EXOC6B: variants seen among roughly 807,000 people sequenced by gnomAD.
The protein encoded by EXOC6B is exocyst complex component 6B, also known as SEC15 homolog B.
Under a neutral mutation model 113.5 loss-of-function variants are expected in EXOC6B, and 54 were observed. The observed-to-expected ratio is 0.48, with a 90% CI of 0.38 to 0.60. EXOC6B has a LOEUF of 0.60. EXOC6B is among the 20% of genes least tolerant of loss of function. The probability of loss-of-function intolerance (pLI) is 0.00; values close to 1 mark genes in which losing one functional copy is unlikely to be tolerated. For synonymous variants in EXOC6B, 357 were observed against 339.0 expected, an observed-to-expected ratio of 1.05 and a Z score of -0.58; for missense variants, 797 against 977.5, an observed-to-expected ratio of 0.82 and a Z score of 2.46.
chr2:72,440,906 A>T (rs1696158877), intron 18 of EXOC6B, among the ~76,000 whole-genome samples: 1 of 152,172 alleles, frequency 6.6e-6, no homozygotes, highest in Non-Finnish European at 1.5e-5. Flanking sequence ...ACAGACTTTA[A>T]AACAACAAAG....
chr2:72,764,854 CT>C (rs1682968680), intron 1 of EXOC6B, among the ~76,000 whole-genome samples: 1 of 152,204 alleles, frequency 6.6e-6, no homozygotes, highest in African/African-American at 2.4e-5. Context: ...ATATTCTTCA[CT>C]TTTAAGCCAG....
At chr2:72,397,624 A>AT (rs1558625549) in intron 18 of EXOC6B, among the ~76,000 whole-genome samples, 7 of 133,454 alleles carry the variant, frequency 5.2e-5, no homozygotes, top group African/African-American at 2.3e-4. Context: ...TCTCAAAAAA[A>AT]AAAAATAAAA....
intron 20 of EXOC6B, among the ~76,000 whole-genome samples, chr2:72,297,615 T>A (rs914288737): frequency 6.6e-6 from 1 of 152,232 alleles, no homozygotes; most frequent in Admixed American, 6.5e-5. Context: ...CAATTTTAGA[T>A]CTTTCCTGCT....
intron 6 of EXOC6B, among the ~76,000 whole-genome samples, chr2:72,670,874 A>G (rs961027010): frequency 5.9e-5 from 9 of 152,066 alleles, no homozygotes; most frequent in African/African-American, 1.7e-4. Context: ...CTTATTTTCT[A>G]TGTGATTCCA....
At chr2:72,263,024 G>A (rs1436548893) in intron 20 of EXOC6B, among the ~76,000 whole-genome samples, 1 of 152,114 alleles carries the variant, frequency 6.6e-6, no homozygotes, top group Non-Finnish European at 1.5e-5. Flanking sequence ...AAAGTTGGGG[G>A]GGACAATTTA....
At chr2:72,631,774 G>C in intron 6 of EXOC6B, among the ~76,000 whole-genome samples, 1 of 152,016 alleles carries the variant, frequency 6.6e-6, no homozygotes. Context: ...AAAATGCTGA[G>C]ATTACAAGCA....
At chr2:72,302,985 C>A (rs1305707826) in intron 20 of EXOC6B, among the ~76,000 whole-genome samples, 1 of 152,104 alleles carries the variant, frequency 6.6e-6, no homozygotes, top group Non-Finnish European at 1.5e-5. Flanking sequence ...TTTAGTGCTT[C>A]TTTCAAGATC....
chr2:72,604,141 C>CTTAA (rs1462407560), intron 6 of EXOC6B, among the ~76,000 whole-genome samples: 3 of 152,090 alleles, frequency 2.0e-5, no homozygotes, highest in Non-Finnish European at 2.9e-5. Context: ...TCTAGATTCC[C>CTTAA]TTAACAATTT....
intron 17 of EXOC6B, among the ~76,000 whole-genome samples, chr2:72,468,901 T>C (rs770582341): frequency 2.6e-5 from 4 of 152,124 alleles, no homozygotes; most frequent in African/African-American, 4.8e-5. Context: ...TCTTAAGGTG[T>C]CCTTGAATTT....
chr2:72,203,955 C>T (rs1338544829), intron 20 of EXOC6B, among the ~76,000 whole-genome samples: 1 of 152,174 alleles, frequency 6.6e-6, no homozygotes, highest in Non-Finnish European at 1.5e-5. Flanking sequence ...GGCCTGGAGG[C>T]CTTTCTGCAA....
intron 6 of EXOC6B, among the ~76,000 whole-genome samples, chr2:72,601,104 A>G (rs1370987344): frequency 1.3e-5 from 2 of 148,932 alleles, no homozygotes; most frequent in Non-Finnish European, 3.0e-5. Context: ...ATGGCTACAT[A>G]TATATATATG....
chr2:72,756,071 AG>A (rs1468840910), intron 1 of EXOC6B, among the ~76,000 whole-genome samples: 11 of 152,092 alleles, frequency 7.2e-5, no homozygotes, highest in Admixed American at 7.2e-4. Context: ...TCTTTTTTTA[AG>A]GGGGACGTTT....
intron 1 of EXOC6B, among the ~76,000 whole-genome samples, chr2:72,765,398 C>A (rs187203387): frequency 6.6e-6 from 1 of 152,102 alleles, no homozygotes; most frequent in Non-Finnish European, 1.5e-5. Context: ...GGCAGTCAGG[C>A]GTGGTGGCTC....
At chr2:72,671,749 G>GAGAGAGAA (rs892398541) in intron 6 of EXOC6B, among the ~76,000 whole-genome samples, 11 of 96,672 alleles carry the variant, frequency 1.1e-4, no homozygotes, top group African/African-American at 4.7e-4. Context: ...GAGAGAGACA[G>GAGAGAGAA]AGAAAGAAAG....
At chr2:72,328,768 C>T (rs1688275487) in intron 20 of EXOC6B, among the ~76,000 whole-genome samples, 1 of 151,958 alleles carries the variant, frequency 6.6e-6, no homozygotes, top group Non-Finnish European at 1.5e-5. Context: ...ATATGATGAC[C>T]CTGGATTTCA....
intron 15 of EXOC6B, among the ~76,000 whole-genome samples, chr2:72,493,875 CTTGTT>C (rs1423172693): frequency 6.6e-6 from 1 of 152,020 alleles, no homozygotes; most frequent in Non-Finnish European, 1.5e-5. Flanking sequence ...AGCGGTTTCT[CTTGTT>C]TTGAGAGCCT....
chr2:72,379,921 A>C (rs1237823397), intron 18 of EXOC6B, 51 bp from the exon 19 acceptor site: 32 of 1,473,312 alleles, frequency 2.2e-5, no homozygotes, highest in Non-Finnish European at 2.9e-5. Flanking sequence ...ACATAAATTA[A>C]AATAAAATTT....
chr2:72,665,737 A>T (rs1264148828), intron 6 of EXOC6B, among the ~76,000 whole-genome samples: 1 of 152,216 alleles, frequency 6.6e-6, no homozygotes, highest in Non-Finnish European at 1.5e-5. Flanking sequence ...TGACTGCCAC[A>T]AAAACACACC....
chr2:72,555,803 C>T (rs1424478389), intron 8 of EXOC6B, among the ~76,000 whole-genome samples: 5 of 152,060 alleles, frequency 3.3e-5, no homozygotes, highest in Admixed American at 6.5e-5. Context: ...CCCAGCACCA[C>T]GCCTGGCTAA....
Sources: allele counts gnomAD v4.1 joint callset (sites outside exome capture counted in the v4.1 genomes callset), GRCh38; gene constraint gnomAD v4.1.1; transcripts MANE v1.5; gene names NCBI Gene and HGNC (gene_info 2026-07-23, HGNC 2026-07-21).